Variants in PDE7B observed in about 807,000 individuals in gnomAD.
The protein encoded by PDE7B is 3',5'-cyclic-AMP phosphodiesterase 7B.
PDE7B carries 29 observed loss-of-function variants against 56.2 expected under a neutral mutation model. The observed-to-expected ratio is 0.52, with a 90% CI of 0.38 to 0.70. The LOEUF is 0.70. PDE7B is among the 30% of genes least tolerant of loss of function. PDE7B has a pLI of 0.00. For missense variants in PDE7B, 490 were observed against 565.0 expected (o/e 0.87, Z 1.35); for synonymous variants, 197 against 196.9 (o/e 1.00, Z 0.00).
intron 2 of PDE7B, chr6:136,044,922 T>C (rs1181265979): frequency 1.3e-5 from 2 of 148,592 alleles, no homozygotes; most frequent in Non-Finnish European, 3.0e-5. Flanking sequence ...GTTTCTTTTT[T>C]CTTTTCTTTC....
chr6:135,851,947 C>T lies in PDE7B; in HGVS notation c.-52C>T, dbSNP rs373493170. On this transcript the variant is annotated 5_prime_UTR_variant, in exon 1 of 13. Transcript: ENST00000308191. ...ACAAGTCTTCATGAACAAGCAGCACCGCTCAGAGATTTCACGGCATTCAAA... is the reference window on the plus strand; with the variant it reads ...ACAAGTCTTCATGAACAAGCAGCACTGCTCAGAGATTTCACGGCATTCAAA... 3.3e-5 allele frequency: 48 copies of T among 1,449,054 alleles called. No individual in the cohort carries two copies. The highest frequency in any genetic ancestry group is 2.2e-4 in the Admixed American group (13 of 59,746). The allele number at this position is 1,449,054 out of a possible 1,614,324, so 89.8% of individuals were successfully genotyped here.
intron 3 of PDE7B, among the ~76,000 whole-genome samples, chr6:136,131,021 G>A (rs1044967768): frequency 6.6e-6 from 1 of 152,146 alleles, no homozygotes; most frequent in African/African-American, 2.4e-5. Context: ...AATTCAAGAT[G>A]AGATTTGGGT....
intron 2 of PDE7B, among the ~76,000 whole-genome samples, chr6:136,105,737 G>A (rs187623101): frequency 3.5e-4 from 53 of 152,188 alleles, no homozygotes; most frequent in African/African-American, 1.0e-3. Flanking sequence ...CAAAATGTTC[G>A]TCCTGTCAGT....
chr6:135,880,377 C>T (rs546989097), intron 1 of PDE7B, among the ~76,000 whole-genome samples: 7 of 152,062 alleles, frequency 4.6e-5, no homozygotes, highest in African/African-American at 7.2e-5. Context: ...TATGAAATAC[C>T]GACTACAAGC....
chr6:136,061,598 G>C (rs1776842210), intron 2 of PDE7B, among the ~76,000 whole-genome samples: 1 of 152,136 alleles, frequency 6.6e-6, no homozygotes, highest in Non-Finnish European at 1.5e-5. Context: ...ACCTCTCACT[G>C]CCTTCAGCTA....
chr6:135,894,940 A>G (rs1223441661), intron 1 of PDE7B, among the ~76,000 whole-genome samples: 1 of 152,136 alleles, frequency 6.6e-6, no homozygotes, highest in East Asian at 1.9e-4. Flanking sequence ...AAAGAATCAT[A>G]TTTCAATTTT....
At chr6:135,978,234 T>C (rs1488095186) in intron 2 of PDE7B, among the ~76,000 whole-genome samples, 1 of 152,170 alleles carries the variant, frequency 6.6e-6, no homozygotes, top group Non-Finnish European at 1.5e-5. Flanking sequence ...AATTGTAATA[T>C]AGTGGACAGA....
chr6:136,163,126 C>A (rs774550062), intron 8 of PDE7B, among the ~76,000 whole-genome samples: 4 of 152,242 alleles, frequency 2.6e-5, no homozygotes, highest in Non-Finnish European at 4.4e-5. Context: ...TGTGTGGGAG[C>A]TCCAATCCTA....
intron 2 of PDE7B, chr6:136,037,654 G>T: frequency 1.0e-6 from 1 of 985,464 alleles, no homozygotes. Flanking sequence ...GCCTGAGCCT[G>T]TACCACAGGG....
intron 1 of PDE7B, among the ~76,000 whole-genome samples, chr6:135,917,845 C>G (rs762159712): frequency 9.7e-4 from 148 of 152,082 alleles, no homozygotes; most frequent in Admixed American, 2.2e-3. Context: ...AAAGTGGCCT[C>G]CCTCTTAAAG....
chr6:135,896,366 A>T (rs1775902054), intron 1 of PDE7B, among the ~76,000 whole-genome samples: 1 of 152,116 alleles, frequency 6.6e-6, no homozygotes, highest in African/African-American at 2.4e-5. Context: ...TAACTACTCC[A>T]ACCCATAGTT....
chr6:135,945,102 C>T (rs909283355), intron 1 of PDE7B, among the ~76,000 whole-genome samples: 4 of 152,126 alleles, frequency 2.6e-5, no homozygotes, highest in African/African-American at 9.7e-5. Context: ...CTTTAAAATA[C>T]AGGTAATGCA....
chr6:135,946,886 G>A (rs527872911), intron 1 of PDE7B, among the ~76,000 whole-genome samples: 1 of 152,006 alleles, frequency 6.6e-6, no homozygotes, highest in South Asian at 2.1e-4. Context: ...TTGCACAAAA[G>A]TTTTAACAAG....
rs1225194433 is a variant in PDE7B, at chr6:136,147,396, G to T, written c.212G>T (p.Arg71Ile). Residue 71 changes from arginine to isoleucine, a missense_variant, in exon 4 of 13, where the codon AGA becomes ATA. Coordinates refer to ENST00000308191, the MANE Select transcript of PDE7B (RefSeq NM_018945.4). ...ATTGGCACCAAGAAAAAGGTGAAAA[G>T]ACTATTAAGCTTTCAAAGATACTTC... ...GEIGTKKKVK[R>I]LLSFQRYFHA... is the part of the protein sequence containing the mutation. The T allele has an allele frequency of 1.2e-6, 2 of 1,612,974 alleles. No homozygotes were observed. The highest frequency in any genetic ancestry group is 1.7e-6 in the Non-Finnish European group (2 of 1,179,140).
chr6:135,932,485 A>G (rs943714271), intron 1 of PDE7B, among the ~76,000 whole-genome samples: 8 of 152,194 alleles, frequency 5.3e-5, no homozygotes, highest in African/African-American at 1.9e-4. Context: ...TCACCATTTC[A>G]GCTAGACCTT....
chr6:136,078,727 TA>T (rs1454637744), intron 2 of PDE7B, among the ~76,000 whole-genome samples: 1 of 151,956 alleles, frequency 6.6e-6, no homozygotes, highest in East Asian at 1.9e-4. Context: ...GTGTAGGTCA[TA>T]AGGGGTAGAA....
chr6:136,139,692 G>A (rs1180396317), intron 3 of PDE7B, among the ~76,000 whole-genome samples: 3 of 152,166 alleles, frequency 2.0e-5, no homozygotes, highest in South Asian at 4.1e-4. Flanking sequence ...TCTCATTGTG[G>A]TTTTGATTTG....
chr6:136,026,103 T>A (rs1344430744), intron 2 of PDE7B, among the ~76,000 whole-genome samples: 1 of 152,198 alleles, frequency 6.6e-6, no homozygotes, highest in Non-Finnish European at 1.5e-5. Context: ...CTGCTGCAAT[T>A]TTGTTTACAT....
chr6:135,967,628 A>G (rs190774358), intron 2 of PDE7B, among the ~76,000 whole-genome samples: 17 of 152,300 alleles, frequency 1.1e-4, no homozygotes, highest in Admixed American at 1.1e-3. Flanking sequence ...ATATTCCTGG[A>G]GTCAATTTCC....
Sources: gnomAD v4.1 joint callset for allele counts (sites outside exome capture counted in the v4.1 genomes callset) on GRCh38, gnomAD v4.1.1 for gene constraint, MANE v1.5 for transcripts, NCBI Gene and HGNC (gene_info 2026-07-23, HGNC 2026-07-21) for gene names.